The following SLC38A1 variants were observed in gnomAD, a reference collection of about 807,000 sequenced individuals.
SLC38A1 encodes solute carrier family 38 member 1.
Under a neutral mutation model 60.3 loss-of-function variants are expected in SLC38A1, and 18 were observed. The ratio of observed to expected loss-of-function variants is 0.30; its 90% CI spans 0.21 to 0.44. SLC38A1 has a LOEUF of 0.44. Ranked by LOEUF, SLC38A1 falls within the 20% of genes least tolerant of loss-of-function variation. SLC38A1 has a pLI of 1.00. For synonymous variants in SLC38A1, 196 were observed against 212.1 expected (o/e 0.92, Z 0.66); for missense variants, 448 against 587.2 (o/e 0.76, Z 2.45).
chr12:46,203,226 G>T, intron 11 of SLC38A1, 137 bp from the exon 12 acceptor site: 1 of 711,524 alleles, frequency 1.4e-6, no homozygotes, highest in Non-Finnish European at 2.3e-6. Context: ...GGGAGGTTTT[G>T]ATCTCTAAAG....
At chr12:46,245,762 A>C (rs1247263396) in intron 1 of SLC38A1, among the ~76,000 whole-genome samples, 1 of 152,094 alleles carries the variant, frequency 6.6e-6, no homozygotes, top group Non-Finnish European at 1.5e-5. Flanking sequence ...AAATAAATAA[A>C]AGTAACACAT....
chr12:46,205,857 T>A (rs1315169290), intron 9 of SLC38A1, among the ~76,000 whole-genome samples: 1 of 152,086 alleles, frequency 6.6e-6, no homozygotes. Context: ...GGACCTCCCT[T>A]CTCCCCTCCA....
chr12:46,186,174 T>C lies in SLC38A1; in HGVS notation c.*2796A>G, dbSNP rs1938930677. The C allele has an allele frequency of 6.6e-6, 1 of 152,214 alleles. No homozygotes were observed. The highest frequency in any genetic ancestry group is 1.5e-5 in the Non-Finnish European group (1 of 68,038). 9.4% of individuals were successfully genotyped at this position (152,214 alleles called of 1,614,324 possible). ...AACCTTTTGGAATATGATCTCCTTATACACTGGGGCTGCCTGTGCCTAAAC... is the reference window on the plus strand; with the variant it reads ...AACCTTTTGGAATATGATCTCCTTACACACTGGGGCTGCCTGTGCCTAAAC... On this transcript the variant is annotated 3_prime_UTR_variant, in exon 17 of 17. Coordinates refer to ENST00000398637, the MANE Select transcript of SLC38A1 (RefSeq NM_030674.4).
chr12:46,264,703 G>C (rs1043962245), intron 1 of SLC38A1, among the ~76,000 whole-genome samples: 1 of 152,058 alleles, frequency 6.6e-6, no homozygotes, highest in African/African-American at 2.4e-5. Flanking sequence ...TGAGACTTTA[G>C]TGCACTTGTC....
chr12:46,205,901 TACTG>T (rs1251612235), intron 9 of SLC38A1, among the ~76,000 whole-genome samples, 175 bp downstream of exon 9: 1 of 152,112 alleles, frequency 6.6e-6, no homozygotes, highest in Non-Finnish European at 1.5e-5. Flanking sequence ...GGAGGTCACA[TACTG>T]ACTGTTATTT....
intron 1 of SLC38A1, among the ~76,000 whole-genome samples, chr12:46,260,055 G>A (rs1199745643): frequency 1.3e-5 from 2 of 152,286 alleles, no homozygotes; most frequent in South Asian, 2.1e-4. Context: ...ATACCCATCT[G>A]ATACAGTCAT....
chr12:46,234,920 A>G (rs1336283728), intron 3 of SLC38A1, among the ~76,000 whole-genome samples: 2 of 152,194 alleles, frequency 1.3e-5, no homozygotes, highest in Admixed American at 1.3e-4. Flanking sequence ...TAAATATGCT[A>G]TGGAAGAAGG....
intron 6 of SLC38A1, among the ~76,000 whole-genome samples, chr12:46,207,972 C>T (rs544674780): frequency 1.2e-4 from 18 of 152,246 alleles, no homozygotes; most frequent in African/African-American, 4.1e-4. Context: ...CATTAAAATA[C>T]ATATTTGATT....
At chr12:46,189,450 A>G (rs115691190) in intron 16 of SLC38A1, among the ~76,000 whole-genome samples, 361 of 152,294 alleles carry the variant, frequency 2.4e-3, no homozygotes, top group African/African-American at 8.2e-3. Flanking sequence ...GTTATTCATT[A>G]CCTACCAACT....
chr12:46,215,218 A>G (rs1477968421), intron 5 of SLC38A1, among the ~76,000 whole-genome samples: 1 of 152,154 alleles, frequency 6.6e-6, no homozygotes, highest in Non-Finnish European at 1.5e-5. Context: ...CACCCGCCAC[A>G]CTGTCTGTGG....
chr12:46,253,782 AC>A (rs938434725), intron 1 of SLC38A1, among the ~76,000 whole-genome samples: 2 of 152,080 alleles, frequency 1.3e-5, no homozygotes, highest in Non-Finnish European at 2.9e-5. Context: ...TTATAAGAGA[AC>A]CCTTAATCCT....
intron 1 of SLC38A1, among the ~76,000 whole-genome samples, chr12:46,252,393 G>GA (rs1276825766): frequency 2.0e-5 from 3 of 151,942 alleles, no homozygotes; most frequent in Non-Finnish European, 2.9e-5. Flanking sequence ...TGTAAATGAC[G>GA]AATTAATGGG....
intron 3 of SLC38A1, among the ~76,000 whole-genome samples, chr12:46,230,131 T>C (rs964616987): frequency 1.3e-5 from 2 of 152,246 alleles, no homozygotes; most frequent in Non-Finnish European, 2.9e-5. Flanking sequence ...AAGTTTTCTT[T>C]TGAGCTCAGG....
intron 16 of SLC38A1, 69 bp from the exon 17 acceptor site, chr12:46,189,140 A>C: frequency 5.2e-6 from 6 of 1,150,682 alleles, no homozygotes; most frequent in Non-Finnish European, 7.8e-6. Flanking sequence ...CTGGGGAAAA[A>C]AAATAGAACA....
chr12:46,215,165 A>G (rs1940349304), intron 5 of SLC38A1, among the ~76,000 whole-genome samples: 1 of 152,170 alleles, frequency 6.6e-6, no homozygotes, highest in Admixed American at 6.5e-5. Context: ...TGTGGTGTAT[A>G]CATTCCAGTT....
intron 5 of SLC38A1, among the ~76,000 whole-genome samples, chr12:46,211,251 C>A (rs1311606885): frequency 6.6e-6 from 1 of 152,138 alleles, no homozygotes; most frequent in Non-Finnish European, 1.5e-5. Flanking sequence ...AAATGAGTGA[C>A]ATCTTAGGAT....
intron 16 of SLC38A1, chr12:46,196,068 C>T: frequency 7.2e-7 from 1 of 1,387,126 alleles, no homozygotes; most frequent in Non-Finnish European, 9.8e-7. Flanking sequence ...AGAGCTGTTC[C>T]TATTTGGCTA....
chr12:46,217,751 G>A (rs902304334), intron 5 of SLC38A1, among the ~76,000 whole-genome samples: 1 of 152,180 alleles, frequency 6.6e-6, no homozygotes, highest in African/African-American at 2.4e-5. Context: ...AGCACACGGT[G>A]ACCTTGTAGC....
chr12:46,204,996 T>C (rs1939829109), intron 9 of SLC38A1, among the ~76,000 whole-genome samples: 1 of 152,220 alleles, frequency 6.6e-6, no homozygotes, highest in Non-Finnish European at 1.5e-5. Context: ...TAGCTCTTTA[T>C]TATGCACTTA....
Sources: gnomAD v4.1 joint callset for allele counts (sites outside exome capture counted in the v4.1 genomes callset) on GRCh38, gnomAD v4.1.1 for gene constraint, MANE v1.5 for transcripts, NCBI Gene and HGNC (gene_info 2026-07-23, HGNC 2026-07-21) for gene names.